NAA50: variants seen among roughly 807,000 people sequenced by gnomAD.
The protein encoded by NAA50 is N-alpha-acetyltransferase 50.
In NAA50, 7 loss-of-function variants were observed where a neutral mutation model predicts 20.7. The ratio of observed to expected loss-of-function variants is 0.34; its 90% CI spans 0.19 to 0.63. The LOEUF (loss-of-function observed/expected upper bound fraction) is 0.63, where lower values mean the gene tolerates loss of function less well. Ranked by LOEUF, NAA50 falls within the 30% of genes least tolerant of loss-of-function variation. The pLI, the probability that NAA50 is intolerant of heterozygous loss-of-function variation, is 0.75. For synonymous variants in NAA50, 54 were observed against 70.6 expected, an observed-to-expected ratio of 0.77 and a Z score of 1.18; for missense variants, 111 against 199.1, an observed-to-expected ratio of 0.56 and a Z score of 2.66.
chr3:113,745,772 C>G, intron 1 of NAA50, 170 bp downstream of exon 1: 7 of 804,080 alleles, frequency 8.7e-6, no homozygotes, highest in Non-Finnish European at 1.3e-5. Flanking sequence ...GCCAACAGCC[C>G]GAGCCTCGCC....
At position 113,724,113 on chromosome 3, in the gene NAA50, G is replaced by A; in HGVS notation, c.9-18C>T. On this transcript the variant is annotated intron_variant, in intron 1 of 4. Transcript: ENST00000240922. Reference sequence around the variant, plus strand: ...TCCGGCTACTGGAACAAATCAAAATGTACTCAATAAAACATAATTAGCCCC... The same window carrying A: ...TCCGGCTACTGGAACAAATCAAAATATACTCAATAAAACATAATTAGCCCC... The A allele has an allele frequency of 6.5e-7, 1 of 1,542,888 alleles. No homozygotes were observed. Among genetic ancestry groups the A allele is most frequent in the East Asian group, 2.3e-5 (1 of 43,220 alleles).
chr3:113,728,693 T>A (rs1332657602), intron 1 of NAA50, among the ~76,000 whole-genome samples: 3 of 151,566 alleles, frequency 2.0e-5, no homozygotes, highest in Non-Finnish European at 4.4e-5. Flanking sequence ...CTCTTGGTGA[T>A]CTCATTCAAT....
Position 113,723,427 on chromosome 3 carries a change from C to T in NAA50, c.260G>A (p.Gly87Glu). Reference sequence around the variant, plus strand: ...AAAAAACCACAATTTTTTACCTATTCCTAGCCTTCGGTAAGGTGCCAGACA... The same window carrying T: ...AAAAAACCACAATTTTTTACCTATTTCTAGCCTTCGGTAAGGTGCCAGACA... ...LGCLAPYRRL[G>E]IGTKMLNHVL... Residue 87 changes from glycine to glutamate, a missense_variant, in exon 3 of 5, where the codon GGA becomes GAA. By Grantham distance (98) the Gly-to-Glu change is moderately conservative. Transcript: ENST00000240922. The T allele has an allele frequency of 6.2e-7, 1 of 1,605,832 alleles. No homozygotes were observed. Among genetic ancestry groups the T allele is most frequent in the Non-Finnish European group, 8.5e-7 (1 of 1,176,766 alleles).
intron 1 of NAA50, among the ~76,000 whole-genome samples, chr3:113,737,953 C>T (rs1032716908): frequency 6.6e-6 from 1 of 152,086 alleles, no homozygotes; most frequent in African/African-American, 2.4e-5. Context: ...GCCTGTAATC[C>T]CAGCATTTTG....
At chr3:113,727,858 T>C (rs1708218360) in intron 1 of NAA50, among the ~76,000 whole-genome samples, 2 of 152,122 alleles carry the variant, frequency 1.3e-5, no homozygotes, top group African/African-American at 4.8e-5. Context: ...AAGAAACAAA[T>C]ATGCTAGAAA....
intron 2 of NAA50, among the ~76,000 whole-genome samples, chr3:113,723,749 A>G (rs1222877444): frequency 6.6e-6 from 1 of 152,222 alleles, no homozygotes; most frequent in East Asian, 1.9e-4. Flanking sequence ...ACAGGTATAC[A>G]CTAAGAACAC....
chr3:113,724,839 A>G (rs1037745178), intron 1 of NAA50, among the ~76,000 whole-genome samples: 4 of 152,146 alleles, frequency 2.6e-5, no homozygotes, highest in African/African-American at 4.8e-5. Flanking sequence ...TGATGGTTTT[A>G]TAAGGAGGCT....
chr3:113,722,070 T>G, intron 4 of NAA50, 133 bp from the exon 5 acceptor site: 2 of 775,928 alleles, frequency 2.6e-6, no homozygotes, highest in African/African-American at 1.8e-5. Flanking sequence ...GGGTTAGGCA[T>G]GCTTACCTAA....
intron 1 of NAA50, among the ~76,000 whole-genome samples, chr3:113,727,167 C>G (rs1434116855): frequency 6.6e-6 from 1 of 152,106 alleles, no homozygotes; most frequent in Non-Finnish European, 1.5e-5. Context: ...GTTTAACTTA[C>G]CATAGTGCCA....
At chr3:113,728,938 T>G (rs1356947361) in intron 1 of NAA50, among the ~76,000 whole-genome samples, 3 of 152,206 alleles carry the variant, frequency 2.0e-5, no homozygotes, top group African/African-American at 7.2e-5. Context: ...CAAGTCTTTG[T>G]TCACATGGTA....
intron 4 of NAA50, 142 bp from the exon 5 acceptor site, chr3:113,722,079 A>G (rs1708142842): frequency 2.7e-6 from 2 of 728,598 alleles, no homozygotes; most frequent in Admixed American, 3.1e-5. Flanking sequence ...ATGCTTACCT[A>G]AAACCTTTTG....
intron 1 of NAA50, among the ~76,000 whole-genome samples, chr3:113,731,957 T>C (rs1241683060): frequency 6.6e-6 from 1 of 152,236 alleles, no homozygotes; most frequent in Admixed American, 6.5e-5. Flanking sequence ...ACATACGCCT[T>C]AGTTTTTTTT....
intron 1 of NAA50, 189 bp downstream of exon 1, chr3:113,745,753 C>G: frequency 1.5e-6 from 1 of 673,350 alleles, no homozygotes; most frequent in Admixed American, 3.7e-5. Context: ...TCCGCTGGCC[C>G]TTCAGCCCGC....
chr3:113,737,580 A>G (rs755644772), intron 1 of NAA50, among the ~76,000 whole-genome samples: 19 of 152,188 alleles, frequency 1.2e-4, no homozygotes, highest in Non-Finnish European at 2.6e-4. Context: ...CTCTTCTATA[A>G]AACTATAAGA....
chr3:113,717,406 A>G lies in NAA50; in HGVS notation c.*4354T>C, dbSNP rs1577065049. ...TTTTGGAGAACTGAAAAGGTTGAGA[A>G]TTTCTGCCCCAGTAACAGATCGTTC... On this transcript the variant is annotated 3_prime_UTR_variant, in exon 5 of 5. Transcript: ENST00000240922. 1 of 152,180 alleles carries G rather than the reference A, an allele frequency of 6.6e-6. No individual in the cohort carries two copies. Among genetic ancestry groups the G allele is most frequent in the South Asian group, 2.1e-4 (1 of 4,834 alleles). 9.4% of individuals were successfully genotyped at this position (152,180 alleles called of 1,614,324 possible).
intron 1 of NAA50, among the ~76,000 whole-genome samples, chr3:113,743,736 A>G (rs1256340475): frequency 6.6e-6 from 1 of 152,188 alleles, no homozygotes; most frequent in Non-Finnish European, 1.5e-5. Context: ...AGTAATAGGA[A>G]CTTCACTGGC....
rs58431115 is a variant in NAA50 at position 113,733,853 on chromosome 3, C to CAAAAAAAAAA, written c.9-9768_9-9759dup. On this transcript the variant is annotated intron_variant, in intron 1 of 4. Transcript: ENST00000240922. ...GGGTGACAGAGCAAGACTCTGTCTC[C>CAAAAAAAAAA]AAAAAAAAAAAAAAAAAAAAAAAGA... Among the ~76,000 whole-genome samples the CAAAAAAAAAA allele has an allele frequency of 2.9e-4, 20 of 68,484 alleles. No homozygotes were observed. In the South Asian group the frequency reaches 3.3e-3, roughly 11 times the overall value. 44.9% of individuals were successfully genotyped at this position (68,484 alleles called of 152,430 possible).
chr3:113,743,868 T>C (rs188121866), intron 1 of NAA50, among the ~76,000 whole-genome samples: 2 of 152,304 alleles, frequency 1.3e-5, no homozygotes, highest in Admixed American at 6.5e-5. Context: ...ACAGAGATAA[T>C]TGCTCCATGA....
rs188647485 is a variant in NAA50 at position 113,740,240 on chromosome 3, C to T, written c.8+5702G>A. On this transcript the variant is annotated intron_variant, in intron 1 of 4. Transcript: ENST00000240922. ...TTTAAAATCCAGTTTACTACACTTA[C>T]AGCATGGCCCAATTCAACTACTCAT... 1.6e-3 allele frequency among the ~76,000 whole-genome samples: 244 copies of T among 152,272 alleles called. 1 individual carries two copies. The highest frequency in any genetic ancestry group is 0.014 in the Admixed American group (216 of 15,296).
Sources: gnomAD v4.1 joint callset for allele counts (sites outside exome capture counted in the v4.1 genomes callset) on GRCh38, gnomAD v4.1.1 for gene constraint, MANE v1.5 for transcripts, NCBI Gene and HGNC (gene_info 2026-07-23, HGNC 2026-07-21) for gene names.